The following TF variants were observed in gnomAD, a reference collection of about 807,000 sequenced individuals.
The protein encoded by TF is transferrin.
A neutral mutation model predicts 82.4 loss-of-function variants in TF; 55 were observed. That is an observed-to-expected ratio of 0.67 (90% confidence interval 0.54 to 0.84). The LOEUF (loss-of-function observed/expected upper bound fraction) is 0.84, where lower values mean the gene tolerates loss of function less well. Ranked by LOEUF, TF falls within the 40% of genes least tolerant of loss-of-function variation. TF has a pLI of 0.00. For synonymous variants in TF, 332 were observed against 332.6 expected (o/e 1.00, Z 0.02); for missense variants, 737 against 868.4 (o/e 0.85, Z 1.90).
chr3:133,733,148 C>T, the TF span, among the ~76,000 whole-genome samples: 1 of 152,206 alleles, frequency 6.6e-6, no homozygotes, highest in Non-Finnish European at 1.5e-5. Context: ...AGAATTTATT[C>T]TTTTGTTTAA....
At chr3:133,710,554 A>G in the TF span, among the ~76,000 whole-genome samples, 1 of 152,188 alleles carries the variant, frequency 6.6e-6, no homozygotes, top group Non-Finnish European at 1.5e-5. Context: ...TGCAGGAGAC[A>G]AAGAAACCAT....
At chr3:133,701,505 A>G in the TF span, among the ~76,000 whole-genome samples, 9 of 152,196 alleles carry the variant, frequency 5.9e-5, no homozygotes, top group Non-Finnish European at 1.2e-4. Flanking sequence ...ACAGAAGGGC[A>G]GCCACTGTGT....
chr3:133,785,309 G>GC lies in TF; in HGVS notation c.*6695dup, dbSNP rs1212382716. The GC allele has an allele frequency of 1.9e-5, 2 of 106,648 alleles. No individual in the cohort carries two copies. The highest frequency in any genetic ancestry group is 3.9e-5 in the Non-Finnish European group (2 of 51,282). 6.6% of individuals were successfully genotyped at this position (106,648 alleles called of 1,614,324 possible). A position where few individuals can be genotyped will look rare whatever the true frequency, so the allele number is the denominator to read the frequency against. On this transcript the variant is annotated 3_prime_UTR_variant, in exon 17 of 17. Transcript: ENST00000402696. ...GTCCGGGAGGGAGGTGGGGGGGTCG[G>GC]CCCCCCGCCCGACCAGCCGCCCCAT...
chr3:133,690,481 C>T, the TF span, among the ~76,000 whole-genome samples: 3 of 152,122 alleles, frequency 2.0e-5, no homozygotes, highest in Non-Finnish European at 4.4e-5. Context: ...GAAATTGGTA[C>T]GCATTGCTAT....
At chr3:133,753,082 C>CCTGA (rs1378437878) in intron 2 of TF, among the ~76,000 whole-genome samples, 14 of 152,152 alleles carry the variant, frequency 9.2e-5, no homozygotes, top group Non-Finnish European at 2.9e-5. Flanking sequence ...CACAGAAGCA[C>CCTGA]CTGAGGAAGA....
At chr3:133,739,632 C>T in the TF span, among the ~76,000 whole-genome samples, 1 of 151,868 alleles carries the variant, frequency 6.6e-6, no homozygotes, top group Non-Finnish European at 1.5e-5. Context: ...AAAAAAAACC[C>T]TATCAAAAAG....
intron 15 of TF, among the ~76,000 whole-genome samples, chr3:133,775,963 A>G (rs994551925): frequency 3.3e-5 from 5 of 152,168 alleles, no homozygotes; most frequent in African/African-American, 1.2e-4. Flanking sequence ...TCCATTTCCT[A>G]TAGGACGTGC....
At chr3:133,756,147 C>A in intron 5 of TF, 135 bp from the exon 6 acceptor site, 1 of 810,994 alleles carries the variant, frequency 1.2e-6, no homozygotes, top group Non-Finnish European at 2.1e-6. Context: ...GTCTGCACAC[C>A]ATGGTGTTGC....
intron 2 of TF, among the ~76,000 whole-genome samples, chr3:133,752,754 G>A (rs1457764927): frequency 6.6e-6 from 1 of 152,180 alleles, no homozygotes; most frequent in Non-Finnish European, 1.5e-5. Flanking sequence ...ATGTGGCCCA[G>A]GGAAGTGACT....
chr3:133,772,149 C>T (rs1934275999), intron 14 of TF, among the ~76,000 whole-genome samples: 1 of 152,208 alleles, frequency 6.6e-6, no homozygotes, highest in Non-Finnish European at 1.5e-5. Flanking sequence ...TCTTTTTCTT[C>T]ATCTTATATT....
Position 133,777,209 on chromosome 3 carries a change from T to C in TF, c.2033T>C (p.Val678Ala), listed in dbSNP as rs1934417941. The change falls in exon 16 of 17, where the codon GTT (valine) becomes GCT (alanine). Residue 678 changes from valine (V) to alanine (A), a missense_variant. Coordinates refer to ENST00000402696, the MANE Select transcript of TF (RefSeq NM_001063.4). ...TTAGGAGAAGAATATGTCAAGGCTG[T>C]TGGTAACCTGAGAAAATGCTCCACC... is the stretch of plus-strand genomic sequence containing the variant. The part of the protein sequence containing the change: ...KYLGEEYVKA[V>A]GNLRKCSTSS... The C allele has an allele frequency of 1.2e-6, 2 of 1,613,454 alleles. No individual in the cohort carries two copies. The highest frequency in any genetic ancestry group is 2.7e-5 in the African/African-American group (2 of 74,898).
chr3:133,687,015 A>G, the TF span, among the ~76,000 whole-genome samples: 1 of 152,270 alleles, frequency 6.6e-6, no homozygotes, highest in Non-Finnish European at 1.5e-5. Context: ...CTATGCAGCC[A>G]TAAAAGAGGA....
chr3:133,778,532 A>G, intron 16 of TF, 54 bp from the exon 17 acceptor site: 1 of 1,594,014 alleles, frequency 6.3e-7, no homozygotes, highest in Non-Finnish European at 8.6e-7. Flanking sequence ...TCGACAGTTC[A>G]GAAATAAATA....
the TF span, among the ~76,000 whole-genome samples, chr3:133,721,741 T>A: frequency 6.6e-6 from 1 of 152,338 alleles, no homozygotes; most frequent in South Asian, 2.1e-4. Context: ...TGTAATAATA[T>A]TTGCTTTATA....
chr3:133,662,807 A>C, the TF span, among the ~76,000 whole-genome samples: 1 of 152,166 alleles, frequency 6.6e-6, no homozygotes, highest in Non-Finnish European at 1.5e-5. Flanking sequence ...TTTATTATTC[A>C]CTGCTGAGAT....
chr3:133,787,840 G>A lies in TF; in HGVS notation c.*9220G>A, dbSNP rs1934725683. 6.6e-6 allele frequency: 1 copy of A among 152,198 alleles called. No homozygotes were observed. The allele number at this position is 152,198 out of a possible 1,614,324, so 9.4% of individuals were successfully genotyped here. ...CCACTCTCTAGATACTAAAGAGGTT[G>A]CCAATGTATGACAAAAATAGTAAAG... On this transcript the variant is annotated 3_prime_UTR_variant, in exon 17 of 17. Transcript: ENST00000402696.
chr3:133,748,879 G>A (rs558431653), intron 2 of TF, among the ~76,000 whole-genome samples: 4 of 152,240 alleles, frequency 2.6e-5, no homozygotes, highest in South Asian at 4.1e-4. Flanking sequence ...CTGCTATCAG[G>A]CTGGGCGCGG....
Position 133,783,078 on chromosome 3 carries a change from A to G in TF, c.*4458A>G, listed in dbSNP as rs1460083439. ...GAACAAGCCTAGAGATCTAATGTAC[A>G]ACATAAGGACCACAGTATAGGTAAT... On this transcript the variant is annotated 3_prime_UTR_variant, in exon 17 of 17. Coordinates refer to ENST00000402696, the MANE Select transcript of TF (RefSeq NM_001063.4). 2 of 152,218 alleles carry G rather than the reference A, an allele frequency of 1.3e-5. No individual in the cohort carries two copies. The highest frequency in any genetic ancestry group is 2.9e-5 in the Non-Finnish European group (2 of 68,032). 9.4% of individuals were successfully genotyped at this position (152,218 alleles called of 1,614,324 possible). A position where few individuals can be genotyped will look rare whatever the true frequency, so the allele number is the denominator to read the frequency against.
At chr3:133,764,073 T>C in intron 9 of TF, 109 bp from the exon 10 acceptor site, 2 of 887,788 alleles carry the variant, frequency 2.3e-6, no homozygotes, top group Admixed American at 1.7e-5. Flanking sequence ...ATCTGCTATC[T>C]CCCTGGCATT....
Sources: allele counts gnomAD v4.1 joint callset (sites outside exome capture counted in the v4.1 genomes callset), GRCh38; gene constraint gnomAD v4.1.1; transcripts MANE v1.5; gene names NCBI Gene and HGNC (gene_info 2026-07-23, HGNC 2026-07-21).